CNTN4: variants seen among roughly 807,000 people sequenced by gnomAD.
CNTN4 encodes the protein contactin-4.
CNTN4 carries 77 observed loss-of-function variants against 122.5 expected under a neutral mutation model. The observed-to-expected ratio is 0.63, with a 90% CI of 0.52 to 0.76. The LOEUF is 0.76. Among genes scored for constraint, CNTN4 ranks in the 30% least tolerant of loss-of-function variants. CNTN4 has a pLI of 0.00. For missense variants in CNTN4, 1,256 were observed against 1,259.1 expected, an observed-to-expected ratio of 1.00 and a Z score of 0.04; for synonymous variants, 512 against 447.0, an observed-to-expected ratio of 1.15 and a Z score of -1.83.
chr3:2,719,177 G>A (rs374431512), intron 4 of CNTN4, among the ~76,000 whole-genome samples: 8 of 152,046 alleles, frequency 5.3e-5, no homozygotes, highest in East Asian at 3.8e-4. Context: ...TGTGAAACAC[G>A]GTACGTACTC....
intron 3 of CNTN4, among the ~76,000 whole-genome samples, chr3:2,351,843 T>G (rs2044638760): frequency 1.3e-5 from 2 of 151,918 alleles, no homozygotes. Flanking sequence ...TGGGGGATTG[T>G]TGGTCAAAAG....
chr3:2,879,582 G>A (rs550175362), intron 8 of CNTN4, among the ~76,000 whole-genome samples: 64 of 152,270 alleles, frequency 4.2e-4, no homozygotes, highest in South Asian at 3.7e-3. Context: ...AATGAAAGGA[G>A]CCAGGCACAA....
rs370770477 is a variant in CNTN4, at chr3:2,572,401, G to A, written c.55+843G>A. ...GCTCGGTCTCAAAAAAATAAAAAAA[G>A]AAAAGAAAAGAAAACTTCACACATA... On this transcript the variant is annotated intron_variant, in intron 4 of 24. Coordinates refer to ENST00000418658, the MANE Select transcript of CNTN4 (RefSeq NM_175607.3). Among the ~76,000 whole-genome samples, 10 of 152,124 alleles carry A rather than the reference G, an allele frequency of 6.6e-5. 1 individual carries two copies. The highest frequency in any genetic ancestry group is 2.4e-4 in the African/African-American group (10 of 41,522).
chr3:2,551,129 G>C (rs1216654951), intron 3 of CNTN4, among the ~76,000 whole-genome samples: 5 of 152,100 alleles, frequency 3.3e-5, no homozygotes, highest in African/African-American at 1.2e-4. Flanking sequence ...CGTAAAGCAA[G>C]CAGAATCTGT....
intron 6 of CNTN4, among the ~76,000 whole-genome samples, chr3:2,748,849 A>C (rs773451626): frequency 2.6e-5 from 4 of 152,198 alleles, no homozygotes; most frequent in East Asian, 1.9e-4. Flanking sequence ...TATGCCTTCT[A>C]CTGTACTTAG....
chr3:2,564,963 G>T (rs2079096777), intron 3 of CNTN4, among the ~76,000 whole-genome samples: 1 of 152,054 alleles, frequency 6.6e-6, no homozygotes, highest in Non-Finnish European at 1.5e-5. Context: ...GAGGATTTCT[G>T]CCTAATGTAC....
At chr3:2,948,475 T>C (rs775065679) in intron 13 of CNTN4, among the ~76,000 whole-genome samples, 1 of 152,194 alleles carries the variant, frequency 6.6e-6, no homozygotes, top group African/African-American at 2.4e-5. Flanking sequence ...GAACAAGTAT[T>C]TATTGACCCT....
At chr3:2,103,276 AT>A in intron 2 of CNTN4, among the ~76,000 whole-genome samples, 1 of 152,054 alleles carries the variant, frequency 6.6e-6, no homozygotes. Context: ...TGCCAAGAGA[AT>A]TTTTTAAAAT....
At chr3:3,006,727 C>T (rs1404609970) in intron 14 of CNTN4, among the ~76,000 whole-genome samples, 1 of 152,122 alleles carries the variant, frequency 6.6e-6, no homozygotes, top group Non-Finnish European at 1.5e-5. Flanking sequence ...CTGCCAGGCC[C>T]GATTTCATAT....
chr3:2,471,765 C>G (rs1280950577), intron 3 of CNTN4, among the ~76,000 whole-genome samples: 4 of 152,198 alleles, frequency 2.6e-5, no homozygotes, highest in Non-Finnish European at 5.9e-5. Context: ...GTTATGGTGT[C>G]AAAATCATTT....
At chr3:2,842,273 T>A (rs1219145687) in intron 7 of CNTN4, among the ~76,000 whole-genome samples, 1 of 152,134 alleles carries the variant, frequency 6.6e-6, no homozygotes, top group African/African-American at 2.4e-5. Context: ...TGTCTTTATC[T>A]TGGGCAGTAG....
intron 6 of CNTN4, among the ~76,000 whole-genome samples, chr3:2,818,850 A>G (rs562798218): frequency 1.1e-4 from 17 of 152,316 alleles, no homozygotes; most frequent in Admixed American, 1.1e-3. Flanking sequence ...GAACTTTAAA[A>G]CAATTGTGTG....
chr3:2,172,549 A>C (rs1040813102), intron 2 of CNTN4, among the ~76,000 whole-genome samples: 2 of 152,190 alleles, frequency 1.3e-5, no homozygotes, highest in African/African-American at 4.8e-5. Flanking sequence ...AAAACGATTG[A>C]AATAAAAAAC....
intron 8 of CNTN4, among the ~76,000 whole-genome samples, chr3:2,879,566 A>G (rs1340332456): frequency 6.6e-6 from 1 of 152,214 alleles, no homozygotes; most frequent in South Asian, 2.1e-4. Context: ...CGAAAACGCT[A>G]TGTTCAATGA....
intron 7 of CNTN4, among the ~76,000 whole-genome samples, chr3:2,828,345 C>A (rs1363977977): frequency 6.6e-6 from 1 of 151,970 alleles, no homozygotes; most frequent in East Asian, 1.9e-4. Flanking sequence ...AATTAAAAGC[C>A]ACAGGTGTCC....
intron 3 of CNTN4, among the ~76,000 whole-genome samples, chr3:2,449,883 A>G (rs184388343): frequency 1.3e-5 from 2 of 152,286 alleles, no homozygotes; most frequent in Admixed American, 1.3e-4. Flanking sequence ...TATTTGTGTT[A>G]TCTAAAATAG....
In CNTN4 at chr3:3,034,850, T is replaced by C. The variant is rs1197160253; in HGVS notation, c.1942+60T>C. On this transcript the variant is annotated intron_variant, in intron 17 of 24. Coordinates refer to ENST00000418658, the MANE Select transcript of CNTN4 (RefSeq NM_175607.3). ...GAACTCAGCATACTGGACACAGCAC[T>C]GTGGCAAGGAACGTCTAAGTTCTCA... The C allele has an allele frequency of 9.0e-6, 14 of 1,557,744 alleles. No homozygotes were observed. In the Admixed American group the frequency reaches 1.8e-4, roughly 20 times the overall value.
Position 2,170,303 on chromosome 3 carries a change from CACCA to C in CNTN4, c.-145+69666_-145+69669del, listed in dbSNP as rs1559308227. Reference sequence around the variant, plus strand: ...CCACCGCACTCCAGCCTGGGCGACACACCAAGACTCCGTCTCAAAACAAAAAAAC... The same window carrying C: ...CCACCGCACTCCAGCCTGGGCGACACAGACTCCGTCTCAAAACAAAAAAAC... On this transcript the variant is annotated intron_variant, in intron 2 of 24. Transcript: ENST00000418658. Among the ~76,000 whole-genome samples the C allele has an allele frequency of 1.8e-3, 277 of 151,758 alleles. 1 individual carries two copies. The highest frequency in any genetic ancestry group is 3.3e-3 in the Non-Finnish European group (227 of 67,924).
chr3:2,825,756 T>C (rs2092973358), intron 7 of CNTN4, among the ~76,000 whole-genome samples: 1 of 152,152 alleles, frequency 6.6e-6, no homozygotes, highest in Non-Finnish European at 1.5e-5. Flanking sequence ...TACATTGTTA[T>C]TGGTGAATGT....
Sources: gnomAD v4.1 joint callset for allele counts (sites outside exome capture counted in the v4.1 genomes callset) on GRCh38, gnomAD v4.1.1 for gene constraint, MANE v1.5 for transcripts, NCBI Gene and HGNC (gene_info 2026-07-23, HGNC 2026-07-21) for gene names.